RANBP3L: variants seen among roughly 807,000 people sequenced by gnomAD.
RANBP3L encodes the protein RAN binding protein 3 like, also known as ran-binding protein 3-like.
A neutral mutation model predicts 67.2 loss-of-function variants in RANBP3L; 56 were observed. The ratio of observed to expected loss-of-function variants is 0.83; its 90% CI spans 0.67 to 1.04. The LOEUF (loss-of-function observed/expected upper bound fraction) is 1.04, where lower values mean the gene tolerates loss of function less well. Ranked by LOEUF, RANBP3L falls within the 50% of genes least tolerant of loss-of-function variation. The pLI is 0.00. For synonymous variants in RANBP3L, 164 were observed against 181.4 expected (o/e 0.90, Z 0.77); for missense variants, 496 against 535.5 (o/e 0.93, Z 0.73).
chr5:36,290,898 A>ATTTTTTTTTTT (rs758051439), intron 1 of RANBP3L, among the ~76,000 whole-genome samples: 1 of 120,882 alleles, frequency 8.3e-6, no homozygotes, highest in Admixed American at 8.4e-5. Flanking sequence ...TGCCTGGCTA[A>ATTTTTTTTTTT]TTTTTTTTTT....
Position 36,249,518 on chromosome 5 carries a change from C to A in RANBP3L, c.*136G>T, listed in dbSNP as rs973194633. The A allele has an allele frequency of 1.3e-5, 6 of 461,256 alleles. No individual in the cohort carries two copies. Among genetic ancestry groups the A allele is most frequent in the Non-Finnish European group, 2.0e-5 (5 of 251,996 alleles). The allele number at this position is 461,256 out of a possible 1,614,324, so 28.6% of individuals were successfully genotyped here. A position where few individuals can be genotyped will look rare whatever the true frequency, so the allele number is the denominator to read the frequency against. On this transcript the variant is annotated 3_prime_UTR_variant, in exon 14 of 14. Coordinates refer to ENST00000296604, the MANE Select transcript of RANBP3L (RefSeq NM_145000.5). ...TAAAACATAAAAATGTTAATTGCAA[C>A]AAATTACATTTCTTAAACTTTTCTA...
chr5:36,290,525 T>G (rs1751657444), intron 1 of RANBP3L, among the ~76,000 whole-genome samples: 1 of 151,950 alleles, frequency 6.6e-6, no homozygotes, highest in Non-Finnish European at 1.5e-5. Context: ...CCATATCTCT[T>G]TTTATTGATT....
rs1748394355 is a variant in RANBP3L, at chr5:36,248,316, T to C, written c.*1338A>G. On this transcript the variant is annotated 3_prime_UTR_variant, in exon 14 of 14. Transcript: ENST00000296604. Reference sequence around the variant, plus strand: ...ATGAATGGGCCTCTCTTAGTAGTTATATTAAGTTATGCTTTCTCAGTTATA... The same window carrying C: ...ATGAATGGGCCTCTCTTAGTAGTTACATTAAGTTATGCTTTCTCAGTTATA... 1 of 152,236 alleles carries C rather than the reference T, an allele frequency of 6.6e-6. No individual in the cohort carries two copies. Among genetic ancestry groups the C allele is most frequent in the Non-Finnish European group, 1.5e-5 (1 of 68,040 alleles). The allele number at this position is 152,236 out of a possible 1,614,324, so 9.4% of individuals were successfully genotyped here.
intron 1 of RANBP3L, among the ~76,000 whole-genome samples, chr5:36,294,987 CAT>C (rs1319902567): frequency 6.7e-6 from 1 of 149,958 alleles, no homozygotes; most frequent in African/African-American, 2.4e-5. Flanking sequence ...TATACACACA[CAT>C]ATATATACAC....
chr5:36,288,187 G>C (rs955606730), intron 1 of RANBP3L, among the ~76,000 whole-genome samples: 7 of 152,116 alleles, frequency 4.6e-5, no homozygotes, highest in Admixed American at 6.6e-5. Flanking sequence ...GGCAACAACT[G>C]TTCTGATGTC....
At chr5:36,266,160 T>G (rs1216580710) in intron 4 of RANBP3L, among the ~76,000 whole-genome samples, 2 of 152,102 alleles carry the variant, frequency 1.3e-5, no homozygotes, top group Non-Finnish European at 1.5e-5. Flanking sequence ...TAATGAACCC[T>G]CCGGCATTAA....
At chr5:36,256,775 TAA>T (rs2111684518) in intron 10 of RANBP3L, 164 bp downstream of exon 10, 1 of 612,796 alleles carries the variant, frequency 1.6e-6, no homozygotes, top group Non-Finnish European at 2.7e-6. Flanking sequence ...AAGAAGAAAA[TAA>T]ATTATTGGTT....
At chr5:36,265,178 T>C in intron 5 of RANBP3L, 80 bp from the exon 6 acceptor site, 1 of 937,816 alleles carries the variant, frequency 1.1e-6, no homozygotes, top group Non-Finnish European at 1.5e-6. Context: ...AATATAATTC[T>C]TATTTTCTAA....
chr5:36,255,637 A>T lies in RANBP3L; in HGVS notation c.904-47T>A, dbSNP rs781109844. ...TGTCAAATATATAGAAAATTTTTTC[A>T]AAGTAAATTATTTCCTATGTTATGA... is the stretch of plus-strand genomic sequence containing the variant. On this transcript the variant is annotated intron_variant, in intron 10 of 13. Coordinates refer to ENST00000296604, the MANE Select transcript of RANBP3L (RefSeq NM_145000.5). 9.9e-6 allele frequency: 14 copies of T among 1,411,588 alleles called. No individual in the cohort carries two copies. The South Asian group carries it at 1.7e-4, about 17-fold the overall frequency. 87.4% of individuals were successfully genotyped at this position (1,411,588 alleles called of 1,614,324 possible).
intron 11 of RANBP3L, among the ~76,000 whole-genome samples, chr5:36,254,600 A>T (rs1748838373): frequency 6.6e-6 from 1 of 151,950 alleles, no homozygotes; most frequent in African/African-American, 2.4e-5. Flanking sequence ...GTGATTTAGA[A>T]ATCTGTGTGC....
chr5:36,265,977 C>T (rs1457455659), intron 4 of RANBP3L, among the ~76,000 whole-genome samples: 3 of 76,094 alleles, frequency 3.9e-5, no homozygotes, highest in Non-Finnish European at 7.4e-5. Context: ...GACTCCATTT[C>T]AAAAAAAAAA....
chr5:36,297,680 T>G (rs1028642278), intron 1 of RANBP3L, among the ~76,000 whole-genome samples: 1 of 152,172 alleles, frequency 6.6e-6, no homozygotes, highest in African/African-American at 2.4e-5. Context: ...GAATCAATAT[T>G]AGAGATAAAT....
At chr5:36,258,081 A>T (rs1749121413) in intron 8 of RANBP3L, among the ~76,000 whole-genome samples, 1 of 152,146 alleles carries the variant, frequency 6.6e-6, no homozygotes. Flanking sequence ...TTATGGAAAA[A>T]AACAAAAAAG....
chr5:36,297,197 G>C (rs1752279075), intron 1 of RANBP3L, among the ~76,000 whole-genome samples: 1 of 152,020 alleles, frequency 6.6e-6, no homozygotes, highest in African/African-American at 2.4e-5. Context: ...AAATAAGCTA[G>C]AGAAAAATGT....
intron 1 of RANBP3L, among the ~76,000 whole-genome samples, chr5:36,277,978 A>G (rs1205091987): frequency 6.6e-6 from 1 of 152,136 alleles, no homozygotes; most frequent in East Asian, 1.9e-4. Flanking sequence ...AGATCTCGTG[A>G]GACTTATTCA....
intron 1 of RANBP3L, among the ~76,000 whole-genome samples, chr5:36,275,056 T>G (rs914680630): frequency 6.6e-6 from 1 of 152,214 alleles, no homozygotes; most frequent in Non-Finnish European, 1.5e-5. Flanking sequence ...TATTCAATGT[T>G]GTTTTTTTCT....
intron 1 of RANBP3L, among the ~76,000 whole-genome samples, chr5:36,298,038 T>C (rs182773517): frequency 2.4e-4 from 37 of 152,150 alleles, no homozygotes; most frequent in Admixed American, 2.2e-3. Context: ...CGGTGGCTTA[T>C]GCTTGTAATC....
At chr5:36,289,864 C>T (rs1027405334) in intron 1 of RANBP3L, among the ~76,000 whole-genome samples, 1 of 149,012 alleles carries the variant, frequency 6.7e-6, no homozygotes, top group South Asian at 2.1e-4. Context: ...AATATGTAAG[C>T]CTTTTATTTC....
chr5:36,287,733 G>A (rs1053199868), intron 1 of RANBP3L, among the ~76,000 whole-genome samples: 1 of 152,134 alleles, frequency 6.6e-6, no homozygotes, highest in African/African-American at 2.4e-5. Context: ...TAATCTCATT[G>A]ATTAGCTAAT....
Sources: allele counts gnomAD v4.1 joint callset (sites outside exome capture counted in the v4.1 genomes callset), GRCh38; gene constraint gnomAD v4.1.1; transcripts MANE v1.5; gene names NCBI Gene and HGNC (gene_info 2026-07-23, HGNC 2026-07-21).